Variants in ZNF541 observed in about 807,000 individuals in gnomAD.
ZNF541 encodes the protein zinc finger protein 541.
In ZNF541, 23 loss-of-function variants were observed where a neutral mutation model predicts 123.5. That is an observed-to-expected ratio of 0.19 (90% confidence interval 0.13 to 0.26). ZNF541 has a LOEUF of 0.26. Among genes scored for constraint, ZNF541 ranks in the 10% least tolerant of loss-of-function variants. ZNF541 has a pLI of 1.00. For missense variants in ZNF541, 1,612 were observed against 1,789.9 expected (o/e 0.90, Z 1.79); for synonymous variants, 751 against 754.5 (o/e 1.00, Z 0.08).
Position 47,544,303 on chromosome 19 carries a change from G to C in ZNF541, c.2226C>G (p.Gly742=), listed in dbSNP as rs1307572722. 6.4e-7 allele frequency: 1 copy of C among 1,551,650 alleles called. No homozygotes were observed. The highest frequency in any genetic ancestry group is 2.0e-5 in the Admixed American group (1 of 51,010). The change falls in exon 5 of 17, where the codon GGC becomes GGG. Residue 742 remains glycine (G), a synonymous_variant. Coordinates refer to ENST00000391901, the MANE Select transcript of ZNF541 (RefSeq NM_001277075.3). ...CCCTGGGGTTGCCCAAGAGCCGGTA[G>C]CCTCCACCCCGGGAGCAGGCTGGGC... is the stretch of plus-strand genomic sequence containing the variant. ...EKGPACSRGG[G]YRLLGNPRAP...
chr19:47,555,824 G>A lies in ZNF541; in HGVS notation c.33C>T (p.Ala11=). Reference sequence around the variant, plus strand: ...AAGGGAGGTGCATTTCTGATGGGAGGGCACCCTCGTCTCCAAGGCTGTACT... The same window carrying A: ...AAGGGAGGTGCATTTCTGATGGGAGAGCACCCTCGTCTCCAAGGCTGTACT... The part of the protein sequence containing the change: MDQYSLGDEG[A]LPSEMHLPSF... Residue 11 remains alanine, a synonymous_variant, in exon 3 of 17, where the codon GCC becomes GCT. Coordinates refer to ENST00000391901, the MANE Select transcript of ZNF541 (RefSeq NM_001277075.3). 1 of 1,551,478 alleles carries A rather than the reference G, an allele frequency of 6.4e-7. No homozygotes were observed. The highest frequency in any genetic ancestry group is 8.7e-7 in the Non-Finnish European group (1 of 1,146,938).
Position 47,531,740 on chromosome 19 carries a change from C to A in ZNF541, c.3307G>T (p.Glu1103Ter). The A allele has an allele frequency of 6.5e-7, 1 of 1,542,508 alleles. No homozygotes were observed. Among genetic ancestry groups the A allele is most frequent in the Non-Finnish European group, 8.8e-7 (1 of 1,140,114 alleles). Reference protein sequence around the residue: ...ISSETQDRVTELCNVACSSVM... With the variant: ...ISSETQDRVT ...CTGGAGCATGCCACATTGCAGAGCT[C>A]GGTCACTGTTTCCAAGAAGGACATG... is the stretch of plus-strand genomic sequence containing the variant. The change falls in exon 12 of 17, where the codon GAG becomes TAG. Residue 1103 changes from glutamate to a stop codon, truncating the protein, a stop_gained. Coordinates refer to ENST00000391901, the MANE Select transcript of ZNF541 (RefSeq NM_001277075.3). LOFTEE classifies it high-confidence loss of function.
Position 47,545,952 on chromosome 19 carries a change from T to C in ZNF541, c.577A>G (p.Thr193Ala). 1 of 1,497,970 alleles carries C rather than the reference T, an allele frequency of 6.7e-7. No individual in the cohort carries two copies. Among genetic ancestry groups the C allele is most frequent in the Non-Finnish European group, 9.0e-7 (1 of 1,116,804 alleles). 92.8% of individuals were successfully genotyped at this position (1,497,970 alleles called of 1,614,324 possible). A position where few individuals can be genotyped will look rare whatever the true frequency, so the allele number is the denominator to read the frequency against. ...LTGHMLTHQKTKPFVCIEQGC... is the reference protein window; with the variant it reads ...LTGHMLTHQKAKPFVCIEQGC... ...TGCTCGATGCACACGAAGGGCTTTG[T>C]CTTCTGGTGGGTGAGCATGTGCCCG... is the stretch of plus-strand genomic sequence containing the variant. Residue 193 changes from threonine to alanine, a missense_variant, in exon 5 of 17, where the codon ACA (threonine) becomes GCA (alanine). By Grantham distance (58) the Thr-to-Ala change is moderately conservative. Coordinates refer to ENST00000391901, the MANE Select transcript of ZNF541 (RefSeq NM_001277075.3). The surrounding 1 kb of genome is among the most constrained non-coding windows in gnomAD (Gnocchi z 7.5).
chr19:47,537,521 G>T (rs538989449), intron 9 of ZNF541, among the ~76,000 whole-genome samples: 7 of 142,752 alleles, frequency 4.9e-5, no homozygotes, highest in African/African-American at 1.6e-4. Context: ...CCAAGATCAC[G>T]CCACTGCACT....
At chr19:47,565,856 A>T (rs1971241249) in intron 2 of ZNF541, among the ~76,000 whole-genome samples, 1 of 151,954 alleles carries the variant, frequency 6.6e-6, no homozygotes, top group African/African-American at 2.4e-5. Flanking sequence ...TGGGGATCCG[A>T]AGCAATTTTA....
At position 47,545,588 on chromosome 19, in the gene ZNF541, C is replaced by T. The variant is rs568307609; in HGVS notation, c.941G>A (p.Gly314Glu). 4.5e-6 allele frequency: 7 copies of T among 1,548,576 alleles called. No homozygotes were observed. Among genetic ancestry groups the T allele is most frequent in the Middle Eastern group, 1.7e-4 (1 of 5,980 alleles). The change falls in exon 5 of 17, where the codon GGG becomes GAG. Residue 314 changes from glycine to glutamate, a missense_variant. By Grantham distance (98) the Gly-to-Glu change is moderately conservative. Transcript: ENST00000391901. The surrounding 1 kb of genome is among the most constrained non-coding windows in gnomAD (Gnocchi z 7.5). ...NTACPCPASS[G>E]SSSCTPAGPH... is the part of the protein sequence containing the mutation. ...GCCGGCTGGGGTGCAGGACGAGGAC[C>T]CCGATGAGGCGGGGCAGGGACAGGC...
intron 9 of ZNF541, among the ~76,000 whole-genome samples, chr19:47,534,048 A>G (rs991818953): frequency 6.6e-6 from 1 of 152,166 alleles, no homozygotes; most frequent in Non-Finnish European, 1.5e-5. Context: ...TCATAGACAG[A>G]ATATCATTAA....
chr19:47,528,637 A>G (rs1969420416), intron 14 of ZNF541, among the ~76,000 whole-genome samples: 1 of 151,976 alleles, frequency 6.6e-6, no homozygotes, highest in Non-Finnish European at 1.5e-5. Context: ...TTTAAAGTAC[A>G]TGCATACCTA....
At chr19:47,561,854 A>C (rs1007245378) in intron 2 of ZNF541, among the ~76,000 whole-genome samples, 6 of 152,182 alleles carry the variant, frequency 3.9e-5, no homozygotes, top group Non-Finnish European at 8.8e-5. Flanking sequence ...GCCACTAAAC[A>C]AACAGTTACA....
rs1969012689 is a variant in ZNF541 at position 47,521,284 on chromosome 19, C to T, written c.3981G>A (p.Val1327=). The part of the protein sequence containing the change: ...VEPIIRVKWP[V]KPFQLKEEEL... ...CCTCTTCCTTTAGCTGGAAGGGCTT[C>T]ACTGGCCACTTCACCCTGATGATGG... Residue 1327 remains valine (V), a synonymous_variant, in exon 17 of 17, where the codon GTG becomes GTA. Coordinates refer to ENST00000391901, the MANE Select transcript of ZNF541 (RefSeq NM_001277075.3). The surrounding 1 kb of genome is among the most constrained non-coding windows in gnomAD (Gnocchi z 4.2). 1 of 1,551,772 alleles carries T rather than the reference C, an allele frequency of 6.4e-7. No individual in the cohort carries two copies. Among genetic ancestry groups the T allele is most frequent in the Non-Finnish European group, 8.7e-7 (1 of 1,147,016 alleles).
chr19:47,552,239 G>A (rs1323815109), intron 3 of ZNF541, among the ~76,000 whole-genome samples: 1 of 152,148 alleles, frequency 6.6e-6, no homozygotes, highest in Non-Finnish European at 1.5e-5. Flanking sequence ...GCCAGGGCAT[G>A]GGAAGAGCAG....
At chr19:47,560,897 G>A (rs1276760421) in intron 2 of ZNF541, among the ~76,000 whole-genome samples, 2 of 152,040 alleles carry the variant, frequency 1.3e-5, no homozygotes, top group African/African-American at 4.8e-5. Context: ...AAAGCAATAA[G>A]CTATCAAACC....
chr19:47,541,001 G>A, intron 5 of ZNF541, 50 bp from the exon 6 acceptor site: 1 of 1,512,502 alleles, frequency 6.6e-7, no homozygotes, highest in Non-Finnish European at 9.0e-7. Flanking sequence ...GAAGAGGCAA[G>A]AAGAGCTCAA....
At chr19:47,524,355 T>A (rs540895042) in intron 14 of ZNF541, among the ~76,000 whole-genome samples, 1 of 151,882 alleles carries the variant, frequency 6.6e-6, no homozygotes, top group East Asian at 1.9e-4. Flanking sequence ...GACACAGGTG[T>A]TAGAATGAGC....
Position 47,545,923 on chromosome 19 carries a change from G to A in ZNF541, c.606C>T (p.Gly202=). ...KTKPFVCIEQ[G]CSKSYCDYRS... ...GGTAGTCGCAGTAGCTCTTGCTGCA[G>A]CCCTGCTCGATGCACACGAAGGGCT... Residue 202 remains glycine, a synonymous_variant, in exon 5 of 17, where the codon GGC becomes GGT. Transcript: ENST00000391901. This position sits in a 1 kb window ranked among gnomAD's most constrained non-coding sequence, Gnocchi z 7.5. The A allele has an allele frequency of 2.0e-6, 3 of 1,531,034 alleles. No homozygotes were observed. The highest frequency in any genetic ancestry group is 1.8e-6 in the Non-Finnish European group (2 of 1,135,106). 94.8% of individuals were successfully genotyped at this position (1,531,034 alleles called of 1,614,324 possible). A position where few individuals can be genotyped will look rare whatever the true frequency, so the allele number is the denominator to read the frequency against.
chr19:47,532,436 C>G (rs1969619226), intron 10 of ZNF541, among the ~76,000 whole-genome samples, 166 bp from the exon 11 acceptor site: 2 of 152,180 alleles, frequency 1.3e-5, no homozygotes, highest in African/African-American at 2.4e-5. Flanking sequence ...CAGATGCACA[C>G]AGACATTTCA....
intron 3 of ZNF541, among the ~76,000 whole-genome samples, chr19:47,553,278 G>C (rs1271831033): frequency 6.6e-6 from 1 of 151,726 alleles, no homozygotes; most frequent in Non-Finnish European, 1.5e-5. Context: ...TCACTCTGTT[G>C]CCCAGCCTGG....
At chr19:47,568,383 C>T (rs150912642) in intron 2 of ZNF541, among the ~76,000 whole-genome samples, 1,905 of 152,172 alleles carry the variant, frequency 0.013, 39 homozygotes, top group African/African-American at 0.043. Context: ...CTTACTCTGT[C>T]GCCCAGACTG....
chr19:47,527,654 C>T (rs1352939267), intron 14 of ZNF541, among the ~76,000 whole-genome samples: 3 of 152,110 alleles, frequency 2.0e-5, no homozygotes, highest in Non-Finnish European at 4.4e-5. Context: ...CCTTGGCCTC[C>T]CAAAGTGCTA....
Sources: gnomAD v4.1 joint callset for allele counts (sites outside exome capture counted in the v4.1 genomes callset) on GRCh38, gnomAD v4.1.1 for gene constraint, Gnocchi (gnomAD v3.1) non-coding constraint, MANE v1.5 for transcripts, NCBI Gene and HGNC (gene_info 2026-07-23, HGNC 2026-07-21) for gene names.